Variants in COMMD7 observed in about 807,000 individuals in gnomAD.
The protein encoded by COMMD7 is COMM domain containing 7.
Under a neutral mutation model 34.8 loss-of-function variants are expected in COMMD7, and 28 were observed. That is an observed-to-expected ratio of 0.80 (90% CI 0.60 to 1.10). The LOEUF is 1.10. COMMD7 is among the 50% of genes least tolerant of loss of function. The pLI is 0.00. For missense variants in COMMD7, 211 were observed against 241.6 expected, an observed-to-expected ratio of 0.87 and a Z score of 0.84; for synonymous variants, 80 against 86.4, an observed-to-expected ratio of 0.93 and a Z score of 0.41.
At chr20:32,706,454 G>A in intron 5 of COMMD7, 129 bp downstream of exon 5, 3 of 696,496 alleles carry the variant, frequency 4.3e-6, no homozygotes, top group Non-Finnish European at 7.3e-6. Flanking sequence ...CAGAGGTTGT[G>A]GTGAGCCGAG....
chr20:32,733,937 G>C (rs190182626), intron 1 of COMMD7, among the ~76,000 whole-genome samples: 3 of 151,180 alleles, frequency 2.0e-5, no homozygotes, highest in Non-Finnish European at 2.9e-5. Flanking sequence ...CCAATACTTA[G>C]GGAGGCCGAG....
intron 3 of COMMD7, among the ~76,000 whole-genome samples, chr20:32,720,603 A>C (rs1249706906): frequency 1.3e-5 from 2 of 152,078 alleles, no homozygotes; most frequent in African/African-American, 4.8e-5. Context: ...TAAGCCCAAG[A>C]ATCAAGACCA....
intron 3 of COMMD7, among the ~76,000 whole-genome samples, chr20:32,710,258 CTTTATGTTATATA>C (rs960522076): frequency 1.9e-4 from 29 of 152,198 alleles, no homozygotes; most frequent in Admixed American, 1.0e-3. Context: ...AACTACCCAA[CTTTATGTTATATA>C]TTTATTATCA....
intron 3 of COMMD7, among the ~76,000 whole-genome samples, chr20:32,717,534 C>G (rs1317592237): frequency 6.6e-6 from 1 of 151,840 alleles, no homozygotes; most frequent in African/African-American, 2.4e-5. Flanking sequence ...CCATGTTGGC[C>G]AGGCTGGTCT....
chr20:32,726,851 C>T (rs1985537110), intron 3 of COMMD7, among the ~76,000 whole-genome samples: 1 of 152,112 alleles, frequency 6.6e-6, no homozygotes, highest in Admixed American at 6.6e-5. Context: ...CTCAGGAGCA[C>T]AATACAGGGC....
chr20:32,742,194 A>C (rs1034285725), intron 1 of COMMD7, among the ~76,000 whole-genome samples: 1 of 152,222 alleles, frequency 6.6e-6, no homozygotes, highest in African/African-American at 2.4e-5. Flanking sequence ...CTCAAAAAAA[A>C]AAAATTAATT....
intron 3 of COMMD7, among the ~76,000 whole-genome samples, chr20:32,720,722 C>G (rs1360523238): frequency 2.0e-5 from 3 of 152,160 alleles, no homozygotes; most frequent in Non-Finnish European, 4.4e-5. Flanking sequence ...AGAAGAATCA[C>G]TTAAGCCCTG....
intron 3 of COMMD7, among the ~76,000 whole-genome samples, chr20:32,707,690 A>C (rs1984182814): frequency 6.6e-6 from 1 of 151,780 alleles, no homozygotes; most frequent in Admixed American, 6.6e-5. Flanking sequence ...AGTCAGAGAC[A>C]ACAGAAAAGA....
intron 2 of COMMD7, 25 bp from the exon 3 acceptor site, chr20:32,728,020 C>A (rs1045790960): frequency 1.1e-5 from 17 of 1,612,848 alleles, no homozygotes; most frequent in Non-Finnish European, 1.3e-5. Flanking sequence ...CAGTGAAAAC[C>A]CGGGCCTTCA....
chr20:32,731,616 C>A (rs1428080219), intron 1 of COMMD7, among the ~76,000 whole-genome samples: 2 of 152,318 alleles, frequency 1.3e-5, no homozygotes, highest in Admixed American at 1.3e-4. Flanking sequence ...CTGAGGCTCC[C>A]TGGGGCCACC....
intron 1 of COMMD7, among the ~76,000 whole-genome samples, chr20:32,730,412 A>G (rs1311147391): frequency 6.6e-6 from 1 of 152,084 alleles, no homozygotes; most frequent in Non-Finnish European, 1.5e-5. Context: ...AAAATTAGCC[A>G]GGCGTGGTGG....
At chr20:32,737,463 C>T (rs528730702) in intron 1 of COMMD7, among the ~76,000 whole-genome samples, 14 of 151,072 alleles carry the variant, frequency 9.3e-5, no homozygotes, top group African/African-American at 2.7e-4. Context: ...CCTGGGAGGT[C>T]GAGGCTGCAC....
chr20:32,714,197 T>C (rs1169434927), intron 3 of COMMD7, among the ~76,000 whole-genome samples: 1 of 152,064 alleles, frequency 6.6e-6, no homozygotes, highest in African/African-American at 2.4e-5. Flanking sequence ...AGGCTGGCGG[T>C]CCTGGGGAAT....
intron 3 of COMMD7, among the ~76,000 whole-genome samples, chr20:32,708,408 A>G (rs1222043186): frequency 6.6e-6 from 1 of 152,106 alleles, no homozygotes; most frequent in Non-Finnish European, 1.5e-5. Flanking sequence ...TGTACCGGTA[A>G]AATCAACCAT....
In COMMD7 at chr20:32,706,618, G is replaced by A. The variant is rs906210753; in HGVS notation, c.301C>T (p.Leu101Phe). Residue 101 changes from leucine to phenylalanine, a missense_variant and splice_region_variant, in exon 5 of 9, where the codon CTT becomes TTT. Transcript: ENST00000278980. The part of the protein sequence containing the change: ...QVQADFITLG[L>F]SEEKATYFSE... ...AAGTAAGTGGCTTTCTCCTCACTAA[G>A]ACCTATAAGAGAACAGAAGGAGATA... 24 of 1,611,540 alleles carry A rather than the reference G, an allele frequency of 1.5e-5. No individual in the cohort carries two copies. The highest frequency in any genetic ancestry group is 2.0e-5 in the Non-Finnish European group (24 of 1,177,838).
chr20:32,729,522 T>C (rs1295064546), intron 1 of COMMD7, among the ~76,000 whole-genome samples: 2 of 151,588 alleles, frequency 1.3e-5, no homozygotes, highest in African/African-American at 4.8e-5. Context: ...GGCTCACGCC[T>C]GTAATCCCAG....
intron 1 of COMMD7, among the ~76,000 whole-genome samples, chr20:32,730,447 C>CA (rs1405924933): frequency 6.6e-6 from 1 of 152,028 alleles, no homozygotes; most frequent in Non-Finnish European, 1.5e-5. Context: ...CCTAGCTACT[C>CA]AGGAGGCTGA....
chr20:32,705,900 A>G (rs1231990528), intron 5 of COMMD7, among the ~76,000 whole-genome samples: 1 of 152,150 alleles, frequency 6.6e-6, no homozygotes, highest in East Asian at 1.9e-4. Flanking sequence ...TTCTCTCTTC[A>G]TGATATAAAA....
intron 3 of COMMD7, among the ~76,000 whole-genome samples, chr20:32,710,728 CAA>C (rs34067876): frequency 0.45 from 41,462 of 92,588 alleles, 5,258 homozygotes; most frequent in South Asian, 0.51. Context: ...GACCTCATCT[CAA>C]AAAAAAAAAA....
Sources: allele counts gnomAD v4.1 joint callset (sites outside exome capture counted in the v4.1 genomes callset), GRCh38; gene constraint gnomAD v4.1.1; transcripts MANE v1.5; gene names NCBI Gene and HGNC (gene_info 2026-07-23, HGNC 2026-07-21).